The following EHMT1 variants were observed in gnomAD, a reference collection of about 807,000 sequenced individuals.
EHMT1 encodes euchromatic histone lysine methyltransferase 1.
EHMT1 carries 15 observed loss-of-function variants against 147.2 expected under a neutral mutation model. The ratio of observed to expected loss-of-function variants is 0.10; its 90% confidence interval spans 0.07 to 0.16. EHMT1 has a LOEUF of 0.16. EHMT1 is among the 10% of genes least tolerant of loss of function. The probability of loss-of-function intolerance (pLI) is 1.00; values close to 1 mark genes in which losing one functional copy is unlikely to be tolerated. For synonymous variants in EHMT1, 795 were observed against 709.6 expected, an observed-to-expected ratio of 1.12 and a Z score of -1.91; for missense variants, 1,587 against 1,772.4, an observed-to-expected ratio of 0.90 and a Z score of 1.88.
chr9:137,765,910 A>T (rs1950188264), intron 10 of EHMT1, among the ~76,000 whole-genome samples: 1 of 152,032 alleles, frequency 6.6e-6, no homozygotes. Flanking sequence ...AGGCTCCCAT[A>T]GTCTGGATTC....
rs762823563 is a variant in EHMT1, at chr9:137,733,053, C to T, written c.823+4524C>T. Among the ~76,000 whole-genome samples, 79 of 152,128 alleles carry T rather than the reference C, an allele frequency of 5.2e-4. 1 individual carries two copies. The highest frequency in any genetic ancestry group is 2.1e-4 in the South Asian group (1 of 4,826). On this transcript the variant is annotated intron_variant, in intron 4 of 26. Coordinates refer to ENST00000460843, the MANE Select transcript of EHMT1 (RefSeq NM_024757.5). ...AGAGCCCGTGTGTGGTAGCTTGTTC[C>T]CATGGGCAGCTGTAATTCTTAGTTT...
In EHMT1 at chr9:137,717,099, G is replaced by C. The variant is rs767797390; in HGVS notation, c.559G>C (p.Glu187Gln). 12 of 1,612,236 alleles carry C rather than the reference G, an allele frequency of 7.4e-6. No homozygotes were observed. The East Asian group carries it at 1.6e-4, about 21-fold the overall frequency. ...CCTTGGGGAGGGGAGTGCTGACACAGAGGACAGGAAGCTCCCGGCCCCTGG... is the reference window on the plus strand; with the variant it reads ...CCTTGGGGAGGGGAGTGCTGACACACAGGACAGGAAGCTCCCGGCCCCTGG... ...ATLGEGSADT[E>Q]DRKLPAPGAD... The change falls in exon 3 of 27, where the codon GAG (glutamate) becomes CAG (glutamine). Residue 187 changes from glutamate (E) to glutamine (Q), a missense_variant. By Grantham distance (29) the Glu-to-Gln change is conservative. Transcript: ENST00000460843.
chr9:137,650,952 A>T (rs1299034412), intron 1 of EHMT1: 1 of 152,120 alleles, frequency 6.6e-6, no homozygotes. Context: ...GGTTCCAGCT[A>T]CTCAGGAGGC....
intron 3 of EHMT1, among the ~76,000 whole-genome samples, chr9:137,720,748 T>C (rs893423130): frequency 1.3e-5 from 2 of 152,154 alleles, no homozygotes; most frequent in South Asian, 2.1e-4. Flanking sequence ...TTCTGTGGGG[T>C]GTGGACAGCC....
At chr9:137,696,307 C>T (rs939396662) in intron 1 of EHMT1, among the ~76,000 whole-genome samples, 7 of 152,064 alleles carry the variant, frequency 4.6e-5, no homozygotes, top group Admixed American at 3.9e-4. Flanking sequence ...TTTCCTGGAC[C>T]GAAGTTGCTT....
At chr9:137,768,354 T>TG (rs1950351374) in intron 10 of EHMT1, among the ~76,000 whole-genome samples, 1 of 144,604 alleles carries the variant, frequency 6.9e-6, no homozygotes, top group African/African-American at 2.6e-5. Flanking sequence ...TGTGTTTTTT[T>TG]TTTTTTTTTT....
At chr9:137,798,357 G>A (rs908972769) in intron 16 of EHMT1, among the ~76,000 whole-genome samples, 34 of 151,866 alleles carry the variant, frequency 2.2e-4, no homozygotes, top group African/African-American at 7.5e-4. Flanking sequence ...AGCTGTGATC[G>A]CACCACTGCA....
intron 10 of EHMT1, among the ~76,000 whole-genome samples, chr9:137,767,804 C>A (rs939636765): frequency 2.0e-5 from 3 of 152,062 alleles, no homozygotes; most frequent in Non-Finnish European, 4.4e-5. Context: ...CAGAGCAAGA[C>A]TCCATCTCAA....
intron 1 of EHMT1, among the ~76,000 whole-genome samples, chr9:137,691,331 TA>T (rs1293083645): frequency 6.8e-6 from 1 of 147,836 alleles, no homozygotes; most frequent in Non-Finnish European, 1.5e-5. Context: ...ATATAAAATA[TA>T]TTTTTTTTTC....
chr9:137,693,330 A>G (rs953885522), intron 1 of EHMT1, among the ~76,000 whole-genome samples: 1 of 152,150 alleles, frequency 6.6e-6, no homozygotes, highest in Non-Finnish European at 1.5e-5. Context: ...ATTAGAGCTG[A>G]TAATCAATTC....
chr9:137,800,235 TAAAG>T (rs1588779571), intron 17 of EHMT1: 1 of 152,752 alleles, frequency 6.5e-6, no homozygotes, highest in East Asian at 1.9e-4. Flanking sequence ...TTTTCTGGCT[TAAAG>T]AAAATTGCCC....
intron 10 of EHMT1, 134 bp from the exon 11 acceptor site, chr9:137,774,975 C>A: frequency 7.7e-7 from 1 of 1,291,154 alleles, no homozygotes; most frequent in Non-Finnish European, 1.1e-6. Context: ...GCCAAGCTGG[C>A]CTTGCAGGGC....
chr9:137,781,129 CGGCATCACT>C (rs2136841193), intron 14 of EHMT1, among the ~76,000 whole-genome samples: 8 of 1,992 alleles, frequency 4.0e-3, no homozygotes, highest in Non-Finnish European at 5.7e-3. Context: ...GTGGTGATGA[CGGCATCACT>C]GAGACGTGTG....
intron 16 of EHMT1, among the ~76,000 whole-genome samples, chr9:137,796,664 G>T (rs1346581330): frequency 6.1e-5 from 8 of 131,834 alleles, no homozygotes; most frequent in African/African-American, 8.6e-5. Context: ...AGATCGCACC[G>T]CTGCACTCCA....
At chr9:137,714,856 T>C (rs931694830) in intron 2 of EHMT1, among the ~76,000 whole-genome samples, 1 of 152,126 alleles carries the variant, frequency 6.6e-6, no homozygotes, top group African/African-American at 2.4e-5. Context: ...GCTTATAGAT[T>C]CAATTTGAGG....
chr9:137,743,761 TGGCAGG>T, intron 5 of EHMT1, 135 bp from the exon 6 acceptor site: 1 of 1,176,462 alleles, frequency 8.5e-7, no homozygotes. Context: ...CTTCTCCAGG[TGGCAGG>T]GGCACCTCTT....
At position 137,782,424 on chromosome 9, in the gene EHMT1, G is replaced by A. The variant is rs1480549305; in HGVS notation, c.2382+27G>A. 8 of 1,571,372 alleles carry A rather than the reference G, an allele frequency of 5.1e-6. No homozygotes were observed. In the South Asian group the frequency reaches 6.8e-5, roughly 13 times the overall value. On this transcript the variant is annotated intron_variant, in intron 15 of 26. Transcript: ENST00000460843. The surrounding 1 kb of genome is among the most constrained non-coding windows in gnomAD (Gnocchi z 5.7). ...TGCGGCGGCACGGCGCCCTCCTAGG[G>A]CTCTTCACCTGCTCTCTTTTATTTT...
chr9:137,634,294 T>C (rs1198078613), intron 1 of EHMT1, among the ~76,000 whole-genome samples: 1 of 152,234 alleles, frequency 6.6e-6, no homozygotes. Flanking sequence ...TACATTTAAG[T>C]CTTTGATCCG....
At chr9:137,678,936 GTTTA>G (rs1941667275) in intron 1 of EHMT1, among the ~76,000 whole-genome samples, 1 of 151,978 alleles carries the variant, frequency 6.6e-6, no homozygotes, top group African/African-American at 2.4e-5. Flanking sequence ...CTGAGAATTT[GTTTA>G]TTTATCTTAT....
Sources: gnomAD v4.1 joint callset for allele counts (sites outside exome capture counted in the v4.1 genomes callset) on GRCh38, gnomAD v4.1.1 for gene constraint, Gnocchi (gnomAD v3.1) non-coding constraint, MANE v1.5 for transcripts, NCBI Gene and HGNC (gene_info 2026-07-23, HGNC 2026-07-21) for gene names.